Variants in JAK2 observed in about 807,000 individuals in gnomAD.
JAK2 encodes Janus kinase 2, also known as tyrosine-protein kinase JAK2.
JAK2 carries 86 observed loss-of-function variants against 139.3 expected under a neutral mutation model. The ratio of observed to expected loss-of-function variants is 0.62; its 90% confidence interval spans 0.52 to 0.74. JAK2 has a LOEUF of 0.74. Among genes scored for constraint, JAK2 ranks in the 30% least tolerant of loss-of-function variants. The pLI is 0.00. For missense variants in JAK2, 1,421 were observed against 1,360.3 expected (o/e 1.04, Z -0.70); for synonymous variants, 490 against 437.7 (o/e 1.12, Z -1.49).
At chr9:5,028,339 A>T (rs1310389770) in intron 3 of JAK2, among the ~76,000 whole-genome samples, 1 of 152,188 alleles carries the variant, frequency 6.6e-6, no homozygotes, top group African/African-American at 2.4e-5. Flanking sequence ...GGTGGCTTAA[A>T]ATATTCAGTA....
intron 22 of JAK2, chr9:5,110,764 C>A: frequency 2.6e-6 from 1 of 386,378 alleles, no homozygotes; most frequent in South Asian, 2.1e-5. Flanking sequence ...GCGGACTGGC[C>A]ATGCAGGAGT....
chr9:5,125,143 G>A (rs1201611605), intron 23 of JAK2, among the ~76,000 whole-genome samples: 2 of 151,158 alleles, frequency 1.3e-5, no homozygotes, highest in Admixed American at 1.3e-4. Context: ...CAATTACTCA[G>A]AGAAGACCAC....
At chr9:5,036,065 C>G (rs1313613601) in intron 4 of JAK2, among the ~76,000 whole-genome samples, 2 of 152,208 alleles carry the variant, frequency 1.3e-5, no homozygotes, top group Non-Finnish European at 2.9e-5. Flanking sequence ...GCAAAAATCA[C>G]AAGCGTTCTT....
intron 5 of JAK2, among the ~76,000 whole-genome samples, chr9:5,050,413 G>T (rs1423852213): frequency 6.6e-6 from 1 of 152,116 alleles, no homozygotes; most frequent in East Asian, 1.9e-4. Context: ...TGGGACTGCA[G>T]GTATGTGCCA....
intron 2 of JAK2, among the ~76,000 whole-genome samples, chr9:5,008,498 G>T (rs1352217155): frequency 6.6e-6 from 1 of 152,144 alleles, no homozygotes; most frequent in African/African-American, 2.4e-5. Flanking sequence ...AAGAGTAAAT[G>T]TTCTAAAGAA....
At chr9:5,022,536 A>C (rs1022416539) in intron 3 of JAK2, among the ~76,000 whole-genome samples, 1 of 152,260 alleles carries the variant, frequency 6.6e-6, no homozygotes, top group Admixed American at 6.5e-5. Flanking sequence ...CCTGAGAGCA[A>C]CATGAAAGCA....
At chr9:5,051,452 A>G (rs1817407989) in intron 6 of JAK2, among the ~76,000 whole-genome samples, 1 of 152,122 alleles carries the variant, frequency 6.6e-6, no homozygotes, top group East Asian at 1.9e-4. Flanking sequence ...TTAAAATCAA[A>G]GATTTCTGGG....
intron 8 of JAK2, among the ~76,000 whole-genome samples, chr9:5,057,189 CATG>C (rs1434486842): frequency 1.5e-4 from 23 of 151,882 alleles, no homozygotes; most frequent in Admixed American, 9.2e-4. Flanking sequence ...GAATTTTATT[CATG>C]ATATGTTATG....
intron 11 of JAK2, 21 bp from the exon 12 acceptor site, chr9:5,069,904 A>G (rs1473811046): frequency 6.6e-7 from 1 of 1,516,996 alleles, no homozygotes; most frequent in African/African-American, 1.4e-5. Flanking sequence ...GAAGTGATAT[A>G]TATGTATTTT....
chr9:5,014,742 TATATG>T (rs1356399420), intron 2 of JAK2, among the ~76,000 whole-genome samples: 6 of 152,156 alleles, frequency 3.9e-5, no homozygotes, highest in Admixed American at 6.6e-5. Context: ...AGATGTAACT[TATATG>T]AGAGTTATAA....
intron 8 of JAK2, among the ~76,000 whole-genome samples, chr9:5,063,067 T>C (rs1158462607): frequency 1.3e-5 from 2 of 152,214 alleles, no homozygotes; most frequent in Non-Finnish European, 2.9e-5. Flanking sequence ...AAATACCTTT[T>C]ATAGTTCAAA....
rs892216772 is a variant in JAK2, at chr9:5,080,272, A to G, written c.2175A>G (p.Glu725=). 3.1e-6 allele frequency: 5 copies of G among 1,613,608 alleles called. No homozygotes were observed. Among genetic ancestry groups the G allele is most frequent in the East Asian group, 2.2e-5 (1 of 44,864 alleles). ...CATGGGTACCACCTGAATGCATTGA[A>G]AATCCTAAAAATTTAAATTTGGCAA... ...RIPWVPPECI[E]NPKNLNLATD... The change falls in exon 17 of 25, where the codon GAA becomes GAG. Residue 725 remains glutamate, a synonymous_variant. Transcript: ENST00000381652.
At chr9:5,039,364 A>G (rs1488847992) in intron 4 of JAK2, among the ~76,000 whole-genome samples, 1 of 152,126 alleles carries the variant, frequency 6.6e-6, no homozygotes, top group Non-Finnish European at 1.5e-5. Context: ...TATAACAACT[A>G]TTTACATAAC....
At chr9:5,033,733 G>A (rs1563941473) in intron 4 of JAK2, among the ~76,000 whole-genome samples, 1 of 152,178 alleles carries the variant, frequency 6.6e-6, no homozygotes. Context: ...AAGAGCTCCT[G>A]AAGGAAGCAC....
chr9:5,088,241 G>A (rs1175151910), intron 19 of JAK2, among the ~76,000 whole-genome samples: 1 of 152,056 alleles, frequency 6.6e-6, no homozygotes, highest in African/African-American at 2.4e-5. Flanking sequence ...AGAGTCCTGG[G>A]TCTATCCACC....
At chr9:5,049,117 C>A (rs543558738) in intron 5 of JAK2, among the ~76,000 whole-genome samples, 1 of 152,136 alleles carries the variant, frequency 6.6e-6, no homozygotes, top group African/African-American at 2.4e-5. Context: ...CTTTTAGTAT[C>A]TTCTGTTTCC....
rs1308918958 is a variant in JAK2 at position 5,090,758 on chromosome 9, C to CA, written c.2911dup (p.Arg971LysfsTer21). The CA allele has an allele frequency of 2.5e-6, 4 of 1,603,368 alleles. No homozygotes were observed. The highest frequency in any genetic ancestry group is 1.4e-5 in the African/African-American group (1 of 74,044). On this transcript the variant is annotated frameshift_variant, in exon 22 of 25. Coordinates refer to ENST00000381652, the MANE Select transcript of JAK2 (RefSeq NM_004972.4). LOFTEE classifies it high-confidence loss of function. ...CCATAGGGTATGGAGTATCTTGGTACAAAAAGGTATATCCACAGGGATCTG... is the reference window on the plus strand; with the variant it reads ...CCATAGGGTATGGAGTATCTTGGTACAAAAAAGGTATATCCACAGGGATCTG...
Position 5,106,811 on chromosome 9 carries a change from A to T in JAK2, c.3059+15900A>T, listed in dbSNP as rs562275727. On this transcript the variant is annotated intron_variant, in intron 22 of 24. Transcript: ENST00000381652. ...AACTAGCGCAAGGACAGAAAAGCAA[A>T]CACTGCATGTTCTCACTCATAGGTG... Among the ~76,000 whole-genome samples the T allele has an allele frequency of 1.2e-3, 181 of 152,278 alleles. 1 individual carries two copies. The highest frequency in any genetic ancestry group is 4.1e-3 in the African/African-American group (172 of 41,538).
At chr9:4,995,068 T>C (rs1399391267) in intron 2 of JAK2, among the ~76,000 whole-genome samples, 1 of 152,218 alleles carries the variant, frequency 6.6e-6, no homozygotes, top group Non-Finnish European at 1.5e-5. Flanking sequence ...GTTATGCTTT[T>C]CTACACCTTT....
Sources: gnomAD v4.1 joint callset for allele counts (sites outside exome capture counted in the v4.1 genomes callset) on GRCh38, gnomAD v4.1.1 for gene constraint, MANE v1.5 for transcripts, NCBI Gene and HGNC (gene_info 2026-07-23, HGNC 2026-07-21) for gene names.